PCDHGA4: variants seen among roughly 807,000 people sequenced by gnomAD.
The protein encoded by PCDHGA4 is protocadherin gamma-A4.
In PCDHGA4, 38 loss-of-function variants were observed where a neutral mutation model predicts 54.6. That is an observed-to-expected ratio of 0.70 (90% CI 0.54 to 0.91). The LOEUF (loss-of-function observed/expected upper bound fraction) is 0.91, where lower values mean the gene tolerates loss of function less well. Ranked by LOEUF, PCDHGA4 falls within the 40% of genes least tolerant of loss-of-function variation. The probability of loss-of-function intolerance (pLI) is 0.00; values close to 1 mark genes in which losing one functional copy is unlikely to be tolerated. For missense variants in PCDHGA4, 1,298 were observed against 1,220.9 expected (o/e 1.06, Z -0.94); for synonymous variants, 511 against 512.9 (o/e 1.00, Z 0.05).
At chr5:141,412,233 A>T (rs866840267) in intron 1 of PCDHGA4, 1 of 152,256 alleles carries the variant, frequency 6.6e-6, no homozygotes, top group Non-Finnish European at 1.5e-5. Context: ...TTAAAAACCT[A>T]TATCACTACA....
intron 1 of PCDHGA4, chr5:141,373,991 A>G (rs1241221882): frequency 8.2e-7 from 1 of 1,223,018 alleles, no homozygotes; most frequent in Non-Finnish European, 1.1e-6. Context: ...CTGCTTGTTG[A>G]AGGACCTTCA....
chr5:141,487,348 C>T lies in PCDHGA4; in HGVS notation c.2515-7459C>T, dbSNP rs929693998. ...GTGGGGCAGCCTGTGGAGTCACATG[C>T]TTTCCTGCTGGCACCTGTGCCTGTC... On this transcript the variant is annotated intron_variant, in intron 1 of 3. Coordinates refer to ENST00000571252, the MANE Select transcript of PCDHGA4 (RefSeq NM_018917.4). The surrounding 1 kb of genome is among the most constrained non-coding windows in gnomAD (Gnocchi z 5.0). The T allele has an allele frequency of 2.5e-6, 4 of 1,614,080 alleles. No homozygotes were observed. The highest frequency in any genetic ancestry group is 2.2e-5 in the East Asian group (1 of 44,882).
At chr5:141,360,102 C>T (rs530757240) in intron 1 of PCDHGA4, 116 of 1,535,872 alleles carry the variant, frequency 7.6e-5, no homozygotes, top group Middle Eastern at 5.3e-4. Context: ...AGGCTTATTC[C>T]TCCTATGGGC....
At chr5:141,455,503 T>C (rs1005615473) in intron 1 of PCDHGA4, among the ~76,000 whole-genome samples, 3 of 152,302 alleles carry the variant, frequency 2.0e-5, no homozygotes, top group Middle Eastern at 3.4e-3. Context: ...CTGATTTGCA[T>C]AGGGCTCAGG....
chr5:141,383,107 G>A, intron 1 of PCDHGA4: 1 of 1,614,032 alleles, frequency 6.2e-7, no homozygotes, highest in South Asian at 1.1e-5. Context: ...CATCTCCAGA[G>A]GTAGGACGCA....
intron 1 of PCDHGA4, chr5:141,405,392 T>C: frequency 6.3e-7 from 1 of 1,596,104 alleles, no homozygotes; most frequent in Non-Finnish European, 8.5e-7. Flanking sequence ...TTCATTTTTT[T>C]TCTTTCTTTC....
At position 141,384,652 on chromosome 5, in the gene PCDHGA4, G is replaced by A. The variant is rs372721131; in HGVS notation, c.2514+27031G>A. ...GCTGGCACCCCGCTCCGCAGAGCCC[G>A]GCTACCTGGTGACCAAGGTGGTGGC... On this transcript the variant is annotated intron_variant, in intron 1 of 3. Coordinates refer to ENST00000571252, the MANE Select transcript of PCDHGA4 (RefSeq NM_018917.4). The A allele has an allele frequency of 7.4e-6, 12 of 1,614,110 alleles. No homozygotes were observed. The South Asian group carries it at 1.1e-4, about 15-fold the overall frequency.
At chr5:141,398,604 T>C (rs2093677345) in intron 1 of PCDHGA4, 1 of 1,613,930 alleles carries the variant, frequency 6.2e-7, no homozygotes, top group South Asian at 1.1e-5. Flanking sequence ...TAGCAGAAGA[T>C]GCAGATATTG....
chr5:141,425,528 C>CA (rs890632943), intron 1 of PCDHGA4, among the ~76,000 whole-genome samples: 1 of 152,200 alleles, frequency 6.6e-6, no homozygotes, highest in African/African-American at 2.4e-5. Context: ...AAACATGAAA[C>CA]AATAATCCTT....
chr5:141,428,757 G>T (rs1216855355), intron 1 of PCDHGA4: 1 of 154,176 alleles, frequency 6.5e-6, no homozygotes, highest in Non-Finnish European at 1.4e-5. Context: ...CTTCAGGTTT[G>T]TTTGCCCACT....
intron 1 of PCDHGA4, chr5:141,393,852 G>A (rs780721020): frequency 3.1e-6 from 5 of 1,614,004 alleles, no homozygotes; most frequent in South Asian, 1.1e-5. Flanking sequence ...TAGACCAGAA[G>A]TGATCATTAC....
rs151297289 is a variant in PCDHGA4, at chr5:141,381,401, A to G, written c.2514+23780A>G. Among the ~76,000 whole-genome samples the G allele has an allele frequency of 6.6e-4, 101 of 152,344 alleles. 2 individuals are homozygous for G. The highest frequency in any genetic ancestry group is 2.3e-3 in the African/African-American group (97 of 41,586). On this transcript the variant is annotated intron_variant, in intron 1 of 3. Transcript: ENST00000571252. ...TCAATAATTTAGTTTTACTCTATCA[A>G]CATCAGTGGAGAGACGAGTACCTCT...
chr5:141,410,464 G>A, intron 1 of PCDHGA4: 1 of 1,613,994 alleles, frequency 6.2e-7, no homozygotes, highest in South Asian at 1.1e-5. Context: ...CTTATAATCT[G>A]TGCATTGCAC....
intron 1 of PCDHGA4, among the ~76,000 whole-genome samples, chr5:141,359,515 G>T (rs1048749535): frequency 6.7e-6 from 1 of 149,788 alleles, no homozygotes; most frequent in Non-Finnish European, 1.5e-5. Context: ...ACTATATTAT[G>T]GGCCACTAGA....
Position 141,423,601 on chromosome 5 carries a change from C to T in PCDHGA4, c.2514+65980C>T, listed in dbSNP as rs372165060. On this transcript the variant is annotated intron_variant, in intron 1 of 3. Transcript: ENST00000571252. The stretch of plus-strand genomic sequence containing the variant: ...GGAGAGCTGTGAGAAAAGCGAGCCA[C>T]TCTTGATAGCTGAAGACTCAGCTAT... The T allele has an allele frequency of 1.9e-6, 3 of 1,612,586 alleles. No homozygotes were observed. Among genetic ancestry groups the T allele is most frequent in the Admixed American group, 1.7e-5 (1 of 59,924 alleles).
rs111458813 is a variant in PCDHGA4 at position 141,483,648 on chromosome 5, TTG to T, written c.2515-11139_2515-11138del. Among the ~76,000 whole-genome samples, 82 of 149,502 alleles carry T rather than the reference TTG, an allele frequency of 5.5e-4. 1 individual carries two copies. The highest frequency in any genetic ancestry group is 2.5e-3 in the Admixed American group (37 of 14,990). Reference sequence around the variant, plus strand: ...GGAGAAGGTATAGAGGGGTGTGTGTTTGTGTGTGTGTGTGTGTGTGTAAAAGA... The same window carrying T: ...GGAGAAGGTATAGAGGGGTGTGTGTTTGTGTGTGTGTGTGTGTGTAAAAGA... On this transcript the variant is annotated intron_variant, in intron 1 of 3. Transcript: ENST00000571252.
intron 1 of PCDHGA4, chr5:141,409,616 G>T: frequency 6.2e-7 from 1 of 1,613,882 alleles, no homozygotes; most frequent in African/African-American, 1.3e-5. Context: ...AGCCTCCATT[G>T]CGCAAGTGAG....
rs1232672788 is a variant in PCDHGA4, at chr5:141,431,315, G to A, written c.2515-63492G>A. The A allele has an allele frequency of 6.2e-7, 1 of 1,614,080 alleles. No individual in the cohort carries two copies. Among genetic ancestry groups the A allele is most frequent in the South Asian group, 1.1e-5 (1 of 91,078 alleles). On this transcript the variant is annotated intron_variant, in intron 1 of 3. Coordinates refer to ENST00000571252, the MANE Select transcript of PCDHGA4 (RefSeq NM_018917.4). The surrounding 1 kb of genome is among the most constrained non-coding windows in gnomAD (Gnocchi z 4.8). ...CTTCTCCCTCATCGTGCAAAATGGAGCCGACGGTAGTAAGTACCCCGAATT... is the reference window on the plus strand; with the variant it reads ...CTTCTCCCTCATCGTGCAAAATGGAACCGACGGTAGTAAGTACCCCGAATT...
intron 3 of PCDHGA4, among the ~76,000 whole-genome samples, chr5:141,510,591 A>G (rs1050708244): frequency 6.6e-6 from 1 of 152,176 alleles, no homozygotes; most frequent in Non-Finnish European, 1.5e-5. Flanking sequence ...TACCTGACAT[A>G]CATTTTCTTA....
Sources: allele counts gnomAD v4.1 joint callset (sites outside exome capture counted in the v4.1 genomes callset), GRCh38; gene constraint gnomAD v4.1.1; non-coding constraint Gnocchi (gnomAD v3.1); transcripts MANE v1.5; gene names NCBI Gene and HGNC (gene_info 2026-07-23, HGNC 2026-07-21).